SPPL2B: variants seen among roughly 807,000 people sequenced by gnomAD.
SPPL2B encodes signal peptide peptidase like 2B.
SPPL2B carries 39 observed loss-of-function variants against 59.7 expected under a neutral mutation model. The observed-to-expected ratio is 0.65, with a 90% CI of 0.51 to 0.85. SPPL2B has a LOEUF of 0.85. Ranked by LOEUF, SPPL2B falls within the 40% of genes least tolerant of loss-of-function variation. The pLI is 0.00. For synonymous variants in SPPL2B, 419 were observed against 370.8 expected, an observed-to-expected ratio of 1.13 and a Z score of -1.49; for missense variants, 865 against 849.0, an observed-to-expected ratio of 1.02 and a Z score of -0.23.
At position 2,353,327 on chromosome 19, in the gene SPPL2B, C is replaced by T. The variant is rs955656460; in HGVS notation, c.*118C>T. 2 of 1,238,818 alleles carry T rather than the reference C, an allele frequency of 1.6e-6. No individual in the cohort carries two copies. The highest frequency in any genetic ancestry group is 2.2e-6 in the Non-Finnish European group (2 of 919,204). 76.7% of individuals were successfully genotyped at this position (1,238,818 alleles called of 1,614,324 possible). ...CCCGGGACCGAGGCCTGTGCCGTCC[C>T]CACCCGCCCCAACATGGTGCTCATC... On this transcript the variant is annotated 3_prime_UTR_variant, in exon 15 of 15. Transcript: ENST00000613503.
At chr19:2,352,868 G>A in intron 14 of SPPL2B, 78 bp from the exon 15 acceptor site, 2 of 1,523,686 alleles carry the variant, frequency 1.3e-6, no homozygotes, top group Non-Finnish European at 9.0e-7. Flanking sequence ...GCCTGCGGGT[G>A]CTGGGTGTCC....
chr19:2,350,136 C>T (rs1390128116), intron 13 of SPPL2B, among the ~76,000 whole-genome samples: 22 of 118,998 alleles, frequency 1.8e-4, no homozygotes, highest in African/African-American at 7.7e-4. Flanking sequence ...TGCTTGATTC[C>T]GTTCTCTCTC....
In SPPL2B at chr19:2,351,570, G is replaced by T. The variant is rs764695131; in HGVS notation, c.1491G>T (p.Val497=). ...CGCTCTGGCGCCGGGAGCTGGGCGT[G>T]TTCTGGACGGGCAGCGGCTTTGCGG... The part of the protein sequence containing the change: ...AVALWRRELG[V]FWTGSGFAKV... Residue 497 remains valine (V), a synonymous_variant, in exon 14 of 15, where the codon GTG becomes GTT. Coordinates refer to ENST00000613503, the MANE Select transcript of SPPL2B (RefSeq NM_152988.3). The T allele has an allele frequency of 2.5e-6, 4 of 1,610,950 alleles. No homozygotes were observed. Among genetic ancestry groups the T allele is most frequent in the South Asian group, 2.2e-5 (2 of 90,994 alleles).
rs1462996244 is a variant in SPPL2B at position 2,337,428 on chromosome 19, C to T, written c.187-15C>T. The T allele has an allele frequency of 3.8e-6, 6 of 1,587,070 alleles. No homozygotes were observed. The highest frequency in any genetic ancestry group is 3.4e-5 in the Admixed American group (2 of 58,102). On this transcript the variant is annotated splice_polypyrimidine_tract_variant and intron_variant, in intron 2 of 14. Coordinates refer to ENST00000613503, the MANE Select transcript of SPPL2B (RefSeq NM_152988.3). ...TCACATCACGTGAGACAACACTGTGCCCTGGCCTTTCCAGTCTTTCCTGCA... is the reference window on the plus strand; with the variant it reads ...TCACATCACGTGAGACAACACTGTGTCCTGGCCTTTCCAGTCTTTCCTGCA...
rs1273293339 is a variant in SPPL2B, at chr19:2,353,607, C to A, written c.*398C>A. ...CTGCTTCGGCCTTCAGGTGACCTCC[C>A]TCCCCACGGCATCCTGCTCTCCGGG... On this transcript the variant is annotated 3_prime_UTR_variant, in exon 15 of 15. Transcript: ENST00000613503. 9.8e-6 allele frequency: 2 copies of A among 203,808 alleles called. No homozygotes were observed. The highest frequency in any genetic ancestry group is 2.0e-5 in the Non-Finnish European group (2 of 100,928). The allele number at this position is 203,808 out of a possible 1,614,324, so 12.6% of individuals were successfully genotyped here.
At chr19:2,350,306 C>T (rs201097686) in intron 13 of SPPL2B, among the ~76,000 whole-genome samples, 3 of 130,074 alleles carry the variant, frequency 2.3e-5, no homozygotes, top group Non-Finnish European at 3.3e-5. Flanking sequence ...CGCTGTCATT[C>T]GCTTGACTCC....
chr19:2,344,161 C>T, intron 10 of SPPL2B, 122 bp downstream of exon 10: 1 of 511,890 alleles, frequency 2.0e-6, no homozygotes, highest in Non-Finnish European at 3.5e-6. Flanking sequence ...CCCCCTCCAC[C>T]CCACACCGTG....
In SPPL2B at chr19:2,339,827, G is replaced by A. The variant is rs372457091; in HGVS notation, c.603G>A (p.Arg201=). 3 of 1,606,728 alleles carry A rather than the reference G, an allele frequency of 1.9e-6. No homozygotes were observed. The highest frequency in any genetic ancestry group is 2.7e-5 in the African/African-American group (2 of 74,812). The part of the protein sequence containing the change: ...YWAGSRDVKK[R]YMKHKRDDGP... Reference sequence around the variant, plus strand: ...CGACCCCATGGTGTCTCCCAAGAAGGTACATGAAGCACAAGCGCGACGATG... The same window carrying A: ...CGACCCCATGGTGTCTCCCAAGAAGATACATGAAGCACAAGCGCGACGATG... Residue 201 remains arginine (R), a synonymous_variant, in exon 6 of 15, where the codon AGG becomes AGA. Transcript: ENST00000613503.
At chr19:2,348,950 C>CA (rs1769891355) in intron 13 of SPPL2B, among the ~76,000 whole-genome samples, 1 of 151,244 alleles carries the variant, frequency 6.6e-6, no homozygotes, top group African/African-American at 2.4e-5. Flanking sequence ...CACACACACT[C>CA]ACGCGCTGTC....
intron 13 of SPPL2B, 51 bp downstream of exon 13, chr19:2,345,381 C>T (rs879876405): frequency 3.3e-6 from 5 of 1,506,346 alleles, no homozygotes; most frequent in Non-Finnish European, 4.6e-6. Flanking sequence ...CAGCCCCACC[C>T]CGACTTAGCC....
At chr19:2,334,222 C>T (rs965749814) in intron 1 of SPPL2B, among the ~76,000 whole-genome samples, 1 of 152,166 alleles carries the variant, frequency 6.6e-6, no homozygotes, top group Non-Finnish European at 1.5e-5. Flanking sequence ...GCCCTGCTTC[C>T]CTGCTCAGGG....
chr19:2,343,366 G>A, intron 9 of SPPL2B, 74 bp downstream of exon 9: 1 of 1,267,624 alleles, frequency 7.9e-7, no homozygotes, highest in South Asian at 1.3e-5. Context: ...GGCCCGTGTG[G>A]GGCTGTGGTC....
intron 2 of SPPL2B, among the ~76,000 whole-genome samples, chr19:2,336,079 G>C (rs888212921): frequency 7.9e-5 from 12 of 152,260 alleles, no homozygotes; most frequent in African/African-American, 2.9e-4. Context: ...TTGTGTGTGT[G>C]AGCACATGTG....
intron 8 of SPPL2B, 38 bp downstream of exon 8, chr19:2,341,052 AGT>A (rs1969003379): frequency 6.9e-7 from 1 of 1,459,608 alleles, no homozygotes; most frequent in Non-Finnish European, 9.5e-7. Context: ...CGGGCAGCGG[AGT>A]CCTCGGGTGC....
intron 10 of SPPL2B, 94 bp from the exon 11 acceptor site, chr19:2,344,268 C>G: frequency 1.4e-6 from 1 of 691,360 alleles, no homozygotes; most frequent in South Asian, 1.7e-5. Flanking sequence ...TTGCACCCCC[C>G]CATCGCATCA....
chr19:2,346,411 A>G (rs2145186602), intron 13 of SPPL2B, among the ~76,000 whole-genome samples: 1 of 152,342 alleles, frequency 6.6e-6, no homozygotes, highest in East Asian at 1.9e-4. Context: ...CATGTCTGTG[A>G]TCCCAGCTTT....
chr19:2,337,669 G>A (rs745718253), intron 3 of SPPL2B, 44 bp downstream of exon 3: 2 of 1,495,374 alleles, frequency 1.3e-6, no homozygotes, highest in South Asian at 2.6e-5. Context: ...CTCAGGGGCA[G>A]GAGGGGGGTG....
chr19:2,344,686 T>C (rs1209197578), intron 12 of SPPL2B, 34 bp downstream of exon 12: 1 of 1,412,044 alleles, frequency 7.1e-7, no homozygotes, highest in Non-Finnish European at 1.0e-6. Context: ...GGGTCCACGC[T>C]GTGGGGCAGG....
chr19:2,329,651 C>T (rs1177691525), intron 1 of SPPL2B, among the ~76,000 whole-genome samples: 1 of 152,244 alleles, frequency 6.6e-6, no homozygotes, highest in Admixed American at 6.5e-5. Context: ...TCGCCGCCAC[C>T]TGGCTCCTCA....
Sources: gnomAD v4.1 joint callset for allele counts (sites outside exome capture counted in the v4.1 genomes callset) on GRCh38, gnomAD v4.1.1 for gene constraint, MANE v1.5 for transcripts, NCBI Gene and HGNC (gene_info 2026-07-23, HGNC 2026-07-21) for gene names.